STK3: variants seen among roughly 807,000 people sequenced by gnomAD.
STK3 encodes the protein serine/threonine kinase 3.
In STK3, 41 loss-of-function variants were observed where a neutral mutation model predicts 58.0. That is an observed-to-expected ratio of 0.71 (90% CI 0.55 to 0.92). STK3 has a LOEUF of 0.92. Ranked by LOEUF, STK3 falls within the 40% of genes least tolerant of loss-of-function variation. The probability of loss-of-function intolerance (pLI) is 0.00; values close to 1 mark genes in which losing one functional copy is unlikely to be tolerated. For synonymous variants in STK3, 170 were observed against 191.0 expected (o/e 0.89, Z 0.91); for missense variants, 479 against 602.7 (o/e 0.79, Z 2.15).
At chr8:98,879,653 CCTGA>C (rs1336359846), downstream of STK3, 1 of 152,122 alleles carries the variant, frequency 6.6e-6, no homozygotes, top group Non-Finnish European at 1.5e-5. Context: ...TCATATAAAG[CCTGA>C]CTTTTTCTTT....
intron 10 of STK3, 139 bp downstream of exon 10, chr8:98,526,603 G>T (rs1825759993): frequency 1.5e-6 from 1 of 646,316 alleles, no homozygotes. Context: ...CATGTATATG[G>T]CTGTATAATG....
chr8:98,590,077 G>A (rs980817553), intron 7 of STK3, among the ~76,000 whole-genome samples: 2 of 152,212 alleles, frequency 1.3e-5, no homozygotes, highest in Non-Finnish European at 2.9e-5. Flanking sequence ...CTCATGCTGG[G>A]AGCTGTAGAC....
the STK3 span, among the ~76,000 whole-genome samples, chr8:98,356,383 G>A: frequency 1.3e-5 from 2 of 152,316 alleles, no homozygotes; most frequent in Admixed American, 1.3e-4. Flanking sequence ...GCTCACACCA[G>A]ACTCAGAGAG....
chr8:98,448,908 T>C (rs894498849), intron 1 of STK3, among the ~76,000 whole-genome samples: 6 of 152,196 alleles, frequency 3.9e-5, no homozygotes, highest in Non-Finnish European at 8.8e-5. Context: ...AAGTAACTTA[T>C]GAATTGAATA....
intron 6 of STK3, among the ~76,000 whole-genome samples, chr8:98,660,352 A>G (rs1445412133): frequency 6.6e-6 from 1 of 152,036 alleles, no homozygotes; most frequent in East Asian, 1.9e-4. Flanking sequence ...CTGTACAACA[A>G]TCTGAATACA....
In STK3 at chr8:98,581,515, T is replaced by G. The variant is rs376459752; in HGVS notation, c.823-1726A>C. Among the ~76,000 whole-genome samples, 24 of 151,994 alleles carry G rather than the reference T, an allele frequency of 1.6e-4. 1 individual carries two copies. The highest frequency in any genetic ancestry group is 3.4e-3 in the Middle Eastern group (1 of 294). On this transcript the variant is annotated intron_variant, in intron 7 of 10. Coordinates refer to ENST00000419617, the MANE Select transcript of STK3 (RefSeq NM_006281.4). ...GAAGGACTGGACAGCCTCAAAAGGA[T>G]AGAAGTCTAGGTTCTCCATTTAGCC... is the stretch of plus-strand genomic sequence containing the variant.
intron 6 of STK3, among the ~76,000 whole-genome samples, chr8:98,620,925 A>ATT (rs534225654): frequency 3.4e-3 from 448 of 130,202 alleles, no homozygotes; most frequent in Middle Eastern, 8.5e-3. Flanking sequence ...AAAACAACTG[A>ATT]TTTTTTTTTT....
At chr8:98,350,953 C>T in the STK3 span, among the ~76,000 whole-genome samples, 4 of 152,068 alleles carry the variant, frequency 2.6e-5, no homozygotes, top group Non-Finnish European at 5.9e-5. Flanking sequence ...AAGAAAAATA[C>T]TTTGAGCATC....
chr8:98,812,351 C>T (rs1326297254), intron 1 of STK3, among the ~76,000 whole-genome samples: 1 of 152,132 alleles, frequency 6.6e-6, no homozygotes, highest in African/African-American at 2.4e-5. Flanking sequence ...CCATCTCACA[C>T]CAGTTTGAAT....
intron 3 of STK3, among the ~76,000 whole-genome samples, chr8:98,839,294 C>A (rs936992901): frequency 3.3e-5 from 5 of 152,122 alleles, no homozygotes; most frequent in African/African-American, 1.2e-4. Flanking sequence ...AAGCAATCCT[C>A]CTGCCTCGGC....
chr8:98,790,856 C>T (rs1055326619), intron 1 of STK3, among the ~76,000 whole-genome samples: 5 of 152,112 alleles, frequency 3.3e-5, no homozygotes, highest in South Asian at 2.1e-4. Flanking sequence ...TGGTGGCAGG[C>T]GCCTGTAATC....
upstream of STK3, among the ~76,000 whole-genome samples, chr8:98,392,630 C>T (rs908188534): frequency 6.6e-6 from 1 of 152,200 alleles, no homozygotes; most frequent in Non-Finnish European, 1.5e-5. Context: ...GTGGCTAATG[C>T]CTGCCCTTGG....
chr8:98,495,076 T>C (rs1395836924), intron 10 of STK3, among the ~76,000 whole-genome samples: 1 of 152,186 alleles, frequency 6.6e-6, no homozygotes, highest in Non-Finnish European at 1.5e-5. Context: ...ATCCATCCCA[T>C]GTCACCCACT....
intron 4 of STK3, among the ~76,000 whole-genome samples, chr8:98,710,545 T>C (rs749127068): frequency 6.6e-6 from 1 of 152,226 alleles, no homozygotes; most frequent in African/African-American, 2.4e-5. Context: ...CGCTCACTGC[T>C]AGCACAACAG....
rs1819861827 is a variant in STK3 at position 98,639,595 on chromosome 8, A to AT, written c.685-43427dup. On this transcript the variant is annotated intron_variant, in intron 6 of 10. Coordinates refer to ENST00000419617, the MANE Select transcript of STK3 (RefSeq NM_006281.4). ...ATGTTTAATACTTTCAATAAGCTTC[A>AT]TGACTATTAATGCTTTGGGGAAAAC... Among the ~76,000 whole-genome samples the AT allele has an allele frequency of 2.6e-5, 4 of 152,206 alleles. No homozygotes were observed. The South Asian group carries it at 6.2e-4, about 24-fold the overall frequency.
At chr8:98,637,323 T>C (rs969127146) in intron 6 of STK3, among the ~76,000 whole-genome samples, 1 of 152,114 alleles carries the variant, frequency 6.6e-6, no homozygotes, top group Admixed American at 6.6e-5. Flanking sequence ...ATTACACTAA[T>C]TCAATGCAGG....
At chr8:98,685,746 T>C (rs1387742690) in intron 6 of STK3, among the ~76,000 whole-genome samples, 1 of 150,470 alleles carries the variant, frequency 6.6e-6, no homozygotes, top group Non-Finnish European at 1.5e-5. Context: ...TCACCTAAAA[T>C]AGGCAAAAAA....
chr8:98,847,305 C>A (rs1373699890), intron 3 of STK3, among the ~76,000 whole-genome samples: 6 of 152,166 alleles, frequency 3.9e-5, no homozygotes, highest in Admixed American at 6.5e-5. Flanking sequence ...CAGTGGCCAC[C>A]ATTCTATAGC....
intron 6 of STK3, among the ~76,000 whole-genome samples, chr8:98,660,223 T>C (rs1056296580): frequency 6.6e-6 from 1 of 151,936 alleles, no homozygotes; most frequent in Non-Finnish European, 1.5e-5. Flanking sequence ...AGTTAAATTA[T>C]CATAGAGACA....
Sources: allele counts gnomAD v4.1 joint callset (sites outside exome capture counted in the v4.1 genomes callset), GRCh38; gene constraint gnomAD v4.1.1; transcripts MANE v1.5; gene names NCBI Gene and HGNC (gene_info 2026-07-23, HGNC 2026-07-21).